WDR33: variants seen among roughly 807,000 people sequenced by gnomAD.
WDR33 encodes pre-mRNA 3' end processing protein WDR33.
A neutral mutation model predicts 164.9 loss-of-function variants in WDR33; 47 were observed. That is an observed-to-expected ratio of 0.29 (90% CI 0.23 to 0.36). The LOEUF (loss-of-function observed/expected upper bound fraction) is 0.36. Ranked by LOEUF, WDR33 falls within the 10% of genes least tolerant of loss-of-function variation. The probability of loss-of-function intolerance (pLI) is 1.00; values close to 1 mark genes in which losing one functional copy is unlikely to be tolerated. For synonymous variants in WDR33, 505 were observed against 589.0 expected (o/e 0.86, Z 2.06); for missense variants, 1,137 against 1,754.1 (o/e 0.65, Z 6.28).
intron 7 of WDR33, among the ~76,000 whole-genome samples, chr2:127,739,260 G>A (rs916656655): frequency 1.3e-5 from 2 of 152,160 alleles, no homozygotes; most frequent in African/African-American, 4.8e-5. Flanking sequence ...AATAGATTAA[G>A]GGTTTATTCC....
At chr2:127,725,607 G>C (rs1304736179) in intron 8 of WDR33, among the ~76,000 whole-genome samples, 1 of 152,122 alleles carries the variant, frequency 6.6e-6, no homozygotes, top group Non-Finnish European at 1.5e-5. Context: ...GATGGCGCAT[G>C]CCTGTAGTCC....
intron 1 of WDR33, among the ~76,000 whole-genome samples, chr2:127,781,933 G>A (rs749153964): frequency 1.3e-5 from 2 of 150,426 alleles, no homozygotes; most frequent in African/African-American, 4.9e-5. Context: ...GGGAGGTGGA[G>A]GTTGCGGTGA....
chr2:127,759,389 T>C (rs1290600924), intron 7 of WDR33, among the ~76,000 whole-genome samples: 1 of 152,166 alleles, frequency 6.6e-6, no homozygotes, highest in East Asian at 1.9e-4. Context: ...TCAGAAATAC[T>C]ATAATAAAAA....
chr2:127,702,352 G>A lies in WDR33; in HGVS notation c.*3971C>T, dbSNP rs758993845. ...TGCCAGCGGAGGCGACAGCAGCGTT[G>A]GGAGCTCCTCGATGTCAGCTTTTTG... On this transcript the variant is annotated 3_prime_UTR_variant, in exon 22 of 22. Coordinates refer to ENST00000322313, the MANE Select transcript of WDR33 (RefSeq NM_018383.5). 2.3e-5 allele frequency: 12 copies of A among 532,308 alleles called. No individual in the cohort carries two copies. In the East Asian group the frequency reaches 5.9e-4, roughly 26 times the overall value. The allele number at this position is 532,308 out of a possible 1,614,324, so 33.0% of individuals were successfully genotyped here.
rs564766769 is a variant in WDR33 at position 127,712,860 on chromosome 2, T to G, written c.3308+723A>C. On this transcript the variant is annotated intron_variant, in intron 18 of 21. Transcript: ENST00000322313. The surrounding 1 kb of genome is among the most constrained non-coding windows in gnomAD (Gnocchi z 4.0). The stretch of plus-strand genomic sequence containing the variant: ...ACTGCAGCCTCCTGGCCTCAGCTGA[T>G]CCTCCCACCTCAGCTTCCTGAGTAG... 7.8e-4 allele frequency among the ~76,000 whole-genome samples: 119 copies of G among 152,256 alleles called. No homozygotes were observed. The highest frequency in any genetic ancestry group is 2.7e-3 in the African/African-American group (111 of 41,532).
Position 127,763,950 on chromosome 2 carries a change from A to G in WDR33, c.627-791T>C. The G allele has an allele frequency of 2.0e-6, 2 of 985,774 alleles. No homozygotes were observed. Among genetic ancestry groups the G allele is most frequent in the Non-Finnish European group, 2.4e-6 (2 of 830,214 alleles). The allele number at this position is 985,774 out of a possible 1,614,324, so 61.1% of individuals were successfully genotyped here. A position where few individuals can be genotyped will look rare whatever the true frequency, so the allele number is the denominator to read the frequency against. On this transcript the variant is annotated intron_variant, in intron 6 of 21. Coordinates refer to ENST00000322313, the MANE Select transcript of WDR33 (RefSeq NM_018383.5). The surrounding 1 kb of genome is among the most constrained non-coding windows in gnomAD (Gnocchi z 4.5). The stretch of plus-strand genomic sequence containing the variant: ...CAAAGCAGAAGCATGTTCATCCAAC[A>G]ATTTCTGTTAAGATTCTGAAAGTAT...
At position 127,719,092 on chromosome 2, in the gene WDR33, C is replaced by T. The variant is rs1031507271; in HGVS notation, c.2760+173G>A. 1.3e-5 allele frequency among the ~76,000 whole-genome samples: 2 copies of T among 152,204 alleles called. No homozygotes were observed. The highest frequency in any genetic ancestry group is 2.9e-5 in the Non-Finnish European group (2 of 68,034). On this transcript the variant is annotated intron_variant, in intron 16 of 21. Transcript: ENST00000322313. This position sits in a 1 kb window ranked among gnomAD's most constrained non-coding sequence, Gnocchi z 6.5. ...TGTACTTAATGGGAGTATAACCTAA[C>T]TCATCATTCTTATGATTTCATTCTT...
intron 7 of WDR33, among the ~76,000 whole-genome samples, chr2:127,761,225 G>C (rs1264700756): frequency 6.6e-6 from 1 of 151,272 alleles, no homozygotes; most frequent in Admixed American, 6.6e-5. Flanking sequence ...TTTTGAGACA[G>C]AGTCTCACTC....
chr2:127,769,246 G>C (rs960612331), intron 2 of WDR33, among the ~76,000 whole-genome samples: 3 of 151,930 alleles, frequency 2.0e-5, no homozygotes, highest in African/African-American at 4.8e-5. Flanking sequence ...CTAGCACTTT[G>C]TGAGGGCGAG....
intron 1 of WDR33, among the ~76,000 whole-genome samples, chr2:127,798,571 T>C (rs1389235436): frequency 6.6e-6 from 1 of 151,804 alleles, no homozygotes; most frequent in Non-Finnish European, 1.5e-5. Context: ...CTAGTTCTAC[T>C]ATCTACACAG....
intron 1 of WDR33, among the ~76,000 whole-genome samples, chr2:127,786,356 C>T (rs1688571242): frequency 6.6e-6 from 1 of 152,202 alleles, no homozygotes; most frequent in African/African-American, 2.4e-5. Context: ...TCTCTTATTT[C>T]CATATCCAGA....
rs1200623163 is a variant in WDR33 at position 127,763,351 on chromosome 2, C to T, written c.627-192G>A. 2.1e-6 allele frequency: 3 copies of T among 1,406,174 alleles called. No homozygotes were observed. Among genetic ancestry groups the T allele is most frequent in the Non-Finnish European group, 2.8e-6 (3 of 1,081,090 alleles). The allele number at this position is 1,406,174 out of a possible 1,614,324, so 87.1% of individuals were successfully genotyped here. A position where few individuals can be genotyped will look rare whatever the true frequency, so the allele number is the denominator to read the frequency against. ...TCATCAAAAGAAGACTTCAACAGAGCAGTTGTTTGAGTTTTCAATCATCAG... is the reference window on the plus strand; with the variant it reads ...TCATCAAAAGAAGACTTCAACAGAGTAGTTGTTTGAGTTTTCAATCATCAG... On this transcript the variant is annotated intron_variant, in intron 6 of 21. Coordinates refer to ENST00000322313, the MANE Select transcript of WDR33 (RefSeq NM_018383.5). The surrounding 1 kb of genome is among the most constrained non-coding windows in gnomAD (Gnocchi z 4.5).
rs771444529 is a variant in WDR33 at position 127,720,033 on chromosome 2, C to G, written c.1992G>C (p.Gly664=). The G allele has an allele frequency of 1.9e-6, 3 of 1,613,794 alleles. No homozygotes were observed. In the South Asian group the frequency reaches 3.3e-5, roughly 18 times the overall value. The change falls in exon 16 of 22, where the codon GGG becomes GGC. Residue 664 remains glycine (G), a synonymous_variant. Transcript: ENST00000322313. This position sits in a 1 kb window ranked among gnomAD's most constrained non-coding sequence, Gnocchi z 5.9. ...CATGCATGTCCTGAGGCCGTGGCAACCCCTGGGGCGGGCCCTGGGGCCCCT... is the reference window on the plus strand; with the variant it reads ...CATGCATGTCCTGAGGCCGTGGCAAGCCCTGGGGCGGGCCCTGGGGCCCCT... ...GPQGPQGPPQ[G]LPRPQDMHGP...
chr2:127,788,113 T>G (rs773353565), intron 1 of WDR33, among the ~76,000 whole-genome samples: 8 of 41,430 alleles, frequency 1.9e-4, no homozygotes, highest in African/African-American at 4.6e-4. Flanking sequence ...CTGGCCGGGC[T>G]GAGGGGCTCC....
intron 1 of WDR33, among the ~76,000 whole-genome samples, chr2:127,777,281 C>T (rs1573444981): frequency 6.6e-6 from 1 of 152,180 alleles, no homozygotes; most frequent in African/African-American, 2.4e-5. Context: ...TCAGGTACAG[C>T]GCACAATTCT....
rs1329611744 is a variant in WDR33, at chr2:127,726,635, G to T, written c.851+16C>A. ...CCCCTTTGTTCAGGGGCCAAGGTGG[G>T]GTTCCTGTCACTTACAGTGTTGCAA... On this transcript the variant is annotated intron_variant, in intron 8 of 21. Coordinates refer to ENST00000322313, the MANE Select transcript of WDR33 (RefSeq NM_018383.5). The surrounding 1 kb of genome is among the most constrained non-coding windows in gnomAD (Gnocchi z 4.8). 1.2e-6 allele frequency: 2 copies of T among 1,613,432 alleles called. No individual in the cohort carries two copies.
intron 21 of WDR33, among the ~76,000 whole-genome samples, chr2:127,707,287 A>G (rs1686044882): frequency 6.6e-6 from 1 of 152,116 alleles, no homozygotes; most frequent in Admixed American, 6.5e-5. Context: ...CTATCTTGTA[A>G]GATTTTTTTC....
intron 7 of WDR33, among the ~76,000 whole-genome samples, chr2:127,750,703 T>TATATATGTATACATAC: frequency 1.8e-5 from 1 of 56,660 alleles, no homozygotes; most frequent in African/African-American, 1.2e-4. Context: ...TATATATATA[T>TATATATGTATACATAC]ATATATATAT....
intron 7 of WDR33, among the ~76,000 whole-genome samples, chr2:127,743,650 T>A (rs1039907419): frequency 1.3e-5 from 2 of 152,150 alleles, no homozygotes; most frequent in African/African-American, 4.8e-5. Flanking sequence ...TGGAAACACA[T>A]TGAGAGGCAC....
Sources: gnomAD v4.1 joint callset for allele counts (sites outside exome capture counted in the v4.1 genomes callset) on GRCh38, gnomAD v4.1.1 for gene constraint, Gnocchi (gnomAD v3.1) non-coding constraint, MANE v1.5 for transcripts, NCBI Gene and HGNC (gene_info 2026-07-23, HGNC 2026-07-21) for gene names.